The following PLCB4 variants were observed in gnomAD, a reference collection of about 807,000 sequenced individuals.
The protein encoded by PLCB4 is phospholipase C beta 4, also known as 1-phosphatidylinositol 4,5-bisphosphate phosphodiesterase beta-4.
Under a neutral mutation model 178.8 loss-of-function variants are expected in PLCB4, and 77 were observed. That is an observed-to-expected ratio of 0.43 (90% CI 0.36 to 0.52). PLCB4 has a LOEUF of 0.52. Among genes scored for constraint, PLCB4 ranks in the 20% least tolerant of loss-of-function variants. PLCB4 has a pLI of 0.00. For synonymous variants in PLCB4, 496 were observed against 490.8 expected, an observed-to-expected ratio of 1.01 and a Z score of -0.14; for missense variants, 1,024 against 1,453.4, an observed-to-expected ratio of 0.70 and a Z score of 4.80.
At chr20:9,390,434 C>T (rs1568718119) in intron 16 of PLCB4, 97 bp from the exon 17 acceptor site, 3 of 596,242 alleles carry the variant, frequency 5.0e-6, no homozygotes, top group South Asian at 2.4e-5. Context: ...ATGCATTTTG[C>T]CAAGTGAGAA....
chr20:9,475,135 A>G (rs1335093622), intron 38 of PLCB4, among the ~76,000 whole-genome samples: 1 of 152,206 alleles, frequency 6.6e-6, no homozygotes, highest in Non-Finnish European at 1.5e-5. Flanking sequence ...GGGCACAGTG[A>G]AAGGTAAGGC....
intron 35 of PLCB4, among the ~76,000 whole-genome samples, chr20:9,463,062 G>T (rs147514867): frequency 6.6e-6 from 1 of 152,132 alleles, no homozygotes. Context: ...GACTAACAGC[G>T]GACCTCTCGG....
At chr20:9,203,056 A>AAAAAATATATATATATATATATATAT in intron 2 of PLCB4, among the ~76,000 whole-genome samples, 1 of 126,148 alleles carries the variant, frequency 7.9e-6, no homozygotes, top group African/African-American at 3.3e-5. Context: ...AAAAAAAAAA[A>AAAAAATATATATATATATATATATAT]ATATATATAT....
chr20:9,438,151 G>C (rs929471172), intron 30 of PLCB4, among the ~76,000 whole-genome samples: 1 of 152,038 alleles, frequency 6.6e-6, no homozygotes, highest in Non-Finnish European at 1.5e-5. Flanking sequence ...CAGATCATGA[G>C]GTCAGGAGAT....
chr20:9,306,258 A>T (rs953023717), intron 3 of PLCB4, among the ~76,000 whole-genome samples: 14 of 152,056 alleles, frequency 9.2e-5, no homozygotes, highest in African/African-American at 3.4e-4. Context: ...GGTGCCTGCC[A>T]TCACATCCAG....
chr20:9,185,420 G>C (rs573442875), intron 2 of PLCB4, among the ~76,000 whole-genome samples: 3 of 152,166 alleles, frequency 2.0e-5, no homozygotes, highest in South Asian at 2.1e-4. Context: ...GGTAAATTCT[G>C]TCTGCTCTAC....
chr20:9,336,020 A>C (rs2032410661), intron 4 of PLCB4, among the ~76,000 whole-genome samples: 1 of 152,192 alleles, frequency 6.6e-6, no homozygotes, highest in African/African-American at 2.4e-5. Context: ...GATAAATTTT[A>C]ACAGGTGAAA....
At chr20:9,386,000 C>T (rs191013568) in intron 14 of PLCB4, among the ~76,000 whole-genome samples, 1 of 152,354 alleles carries the variant, frequency 6.6e-6, no homozygotes, top group Admixed American at 6.5e-5. Context: ...CGTCTGCAAT[C>T]CCAGCACCCC....
At chr20:9,236,152 G>A (rs905275409) in intron 3 of PLCB4, among the ~76,000 whole-genome samples, 4 of 151,998 alleles carry the variant, frequency 2.6e-5, no homozygotes, top group African/African-American at 9.7e-5. Flanking sequence ...GATTAATTTT[G>A]TCTCTTGATG....
intron 2 of PLCB4, among the ~76,000 whole-genome samples, chr20:9,210,530 G>A (rs1325530137): frequency 2.0e-5 from 3 of 152,112 alleles, no homozygotes; most frequent in Non-Finnish European, 4.4e-5. Context: ...GGGCTGTGGG[G>A]ATCTGAAAAC....
intron 24 of PLCB4, among the ~76,000 whole-genome samples, chr20:9,409,894 G>T (rs973993528): frequency 6.6e-6 from 1 of 152,136 alleles, no homozygotes; most frequent in Non-Finnish European, 1.5e-5. Flanking sequence ...AGAATAGATA[G>T]AAATATGCCA....
intron 2 of PLCB4, among the ~76,000 whole-genome samples, chr20:9,100,564 A>C (rs2091105297): frequency 6.6e-6 from 1 of 152,186 alleles, no homozygotes; most frequent in South Asian, 2.1e-4. Flanking sequence ...ACTTTAATGG[A>C]AGAATACATA....
chr20:9,085,341 G>A (rs965613669), intron 1 of PLCB4, among the ~76,000 whole-genome samples: 4 of 152,086 alleles, frequency 2.6e-5, no homozygotes, highest in African/African-American at 9.7e-5. Flanking sequence ...TTAGTTATGA[G>A]CTATTTAGTT....
At chr20:9,411,913 C>G (rs958968924) in intron 25 of PLCB4, among the ~76,000 whole-genome samples, 1 of 152,122 alleles carries the variant, frequency 6.6e-6, no homozygotes, top group Non-Finnish European at 1.5e-5. Context: ...GATTGGATAT[C>G]TTTTTATCAC....
chr20:9,419,244 A>C (rs1273393677), intron 25 of PLCB4, among the ~76,000 whole-genome samples: 1 of 152,122 alleles, frequency 6.6e-6, no homozygotes, highest in Non-Finnish European at 1.5e-5. Flanking sequence ...ATTACCTTTG[A>C]TTGTGAATGT....
chr20:9,351,356 T>A (rs2034324090), intron 7 of PLCB4, among the ~76,000 whole-genome samples: 1 of 151,928 alleles, frequency 6.6e-6, no homozygotes. Flanking sequence ...TTCCTAAACT[T>A]TTTTTTTAAT....
intron 2 of PLCB4, among the ~76,000 whole-genome samples, chr20:9,198,857 A>C (rs2093505483): frequency 6.6e-6 from 1 of 152,222 alleles, no homozygotes; most frequent in Non-Finnish European, 1.5e-5. Context: ...CCAGCATATC[A>C]CTGTGTTCCC....
chr20:9,235,222 G>T (rs2093980276), intron 3 of PLCB4, among the ~76,000 whole-genome samples: 2 of 152,126 alleles, frequency 1.3e-5, no homozygotes, highest in Non-Finnish European at 2.9e-5. Flanking sequence ...CAATCATTGG[G>T]CAGGGAAGGG....
intron 28 of PLCB4, among the ~76,000 whole-genome samples, chr20:9,427,959 T>G (rs1233294386): frequency 1.3e-5 from 2 of 152,176 alleles, no homozygotes; most frequent in Admixed American, 1.3e-4. Context: ...CTTCTACAAC[T>G]ATTTTATGTC....
Sources: allele counts gnomAD v4.1 joint callset (sites outside exome capture counted in the v4.1 genomes callset), GRCh38; gene constraint gnomAD v4.1.1; transcripts MANE v1.5; gene names NCBI Gene and HGNC (gene_info 2026-07-23, HGNC 2026-07-21).